PLCL2: variants seen among roughly 807,000 people sequenced by gnomAD.
PLCL2 encodes the protein phospholipase C like 2, also known as inactive phospholipase C-like protein 2.
PLCL2 carries 4 observed loss-of-function variants against 79.6 expected under a neutral mutation model. The observed-to-expected ratio is 0.05, with a 90% CI of 0.02 to 0.11. The LOEUF (loss-of-function observed/expected upper bound fraction) is 0.11, where lower values mean the gene tolerates loss of function less well. Ranked by LOEUF, PLCL2 falls within the 10% of genes least tolerant of loss-of-function variation. The probability of loss-of-function intolerance (pLI) is 1.00; values close to 1 mark genes in which losing one functional copy is unlikely to be tolerated. For missense variants in PLCL2, 895 were observed against 1,291.0 expected (o/e 0.69, Z 4.70); for synonymous variants, 484 against 457.7 (o/e 1.06, Z -0.73).
chr3:16,954,091 G>A (rs1416260229), intron 1 of PLCL2, among the ~76,000 whole-genome samples: 4 of 151,958 alleles, frequency 2.6e-5, no homozygotes, highest in African/African-American at 9.7e-5. Flanking sequence ...TTTGTTACAT[G>A]TGTATACATG....
intron 1 of PLCL2, among the ~76,000 whole-genome samples, chr3:16,989,191 A>T (rs1263010319): frequency 6.6e-6 from 1 of 152,182 alleles, no homozygotes; most frequent in Non-Finnish European, 1.5e-5. Context: ...TATTGGCCTC[A>T]TTTACATATA....
At chr3:16,990,011 C>A (rs1038654211) in intron 1 of PLCL2, among the ~76,000 whole-genome samples, 1 of 152,138 alleles carries the variant, frequency 6.6e-6, no homozygotes, top group Middle Eastern at 3.4e-3. Flanking sequence ...GTCAAGGAAG[C>A]GTATCTGAGA....
intron 1 of PLCL2, among the ~76,000 whole-genome samples, chr3:16,891,692 A>T (rs1696354236): frequency 6.6e-6 from 1 of 152,224 alleles, no homozygotes; most frequent in South Asian, 2.1e-4. Flanking sequence ...AAGATTATTA[A>T]TAGTGCCTCC....
chr3:16,970,333 T>C (rs1020839456), intron 1 of PLCL2, among the ~76,000 whole-genome samples: 2 of 151,808 alleles, frequency 1.3e-5, no homozygotes, highest in African/African-American at 4.8e-5. Flanking sequence ...GTTCTTGTAA[T>C]AGTTTACTGA....
chr3:17,084,652 A>G (rs944372557), intron 5 of PLCL2, among the ~76,000 whole-genome samples: 2 of 152,238 alleles, frequency 1.3e-5, no homozygotes, highest in Non-Finnish European at 2.9e-5. Flanking sequence ...GTCATTCATC[A>G]TATCAACAGG....
chr3:16,962,896 A>G (rs2063769061), intron 1 of PLCL2, among the ~76,000 whole-genome samples: 1 of 152,188 alleles, frequency 6.6e-6, no homozygotes, highest in Admixed American at 6.5e-5. Context: ...ATACACACAT[A>G]TGAATACATA....
intron 1 of PLCL2, among the ~76,000 whole-genome samples, chr3:16,926,128 C>T (rs901885851): frequency 6.6e-6 from 1 of 152,176 alleles, no homozygotes. Context: ...ATCAGCCTCA[C>T]CAGAGCTTCT....
intron 5 of PLCL2, among the ~76,000 whole-genome samples, chr3:17,077,432 C>T (rs2065119021): frequency 6.6e-6 from 1 of 152,152 alleles, no homozygotes; most frequent in Non-Finnish European, 1.5e-5. Context: ...AGTTTTAGTT[C>T]ATAGAATGAT....
Position 16,887,380 on chromosome 3 carries a change from C to T in PLCL2, c.327+2014C>T, listed in dbSNP as rs1696249892. Among the ~76,000 whole-genome samples, 1 of 152,158 alleles carries T rather than the reference C, an allele frequency of 6.6e-6. No homozygotes were observed. The highest frequency in any genetic ancestry group is 2.4e-5 in the African/African-American group (1 of 41,436). On this transcript the variant is annotated intron_variant, in intron 1 of 5. Transcript: ENST00000615277. The surrounding 1 kb of genome is among the most constrained non-coding windows in gnomAD (Gnocchi z 4.1). ...AGAAAGTACATGTTTTCTCTGAGTT[C>T]TGTTAATTTATAAAACAATTGGTTT...
chr3:16,974,304 G>C (rs972317423), intron 1 of PLCL2, among the ~76,000 whole-genome samples: 3 of 152,186 alleles, frequency 2.0e-5, no homozygotes, highest in African/African-American at 7.2e-5. Flanking sequence ...TAGAGGGCAG[G>C]ACTGGGTGAC....
chr3:16,999,757 A>G (rs1388078790), intron 1 of PLCL2, among the ~76,000 whole-genome samples: 2 of 152,184 alleles, frequency 1.3e-5, no homozygotes, highest in African/African-American at 4.8e-5. Flanking sequence ...CTATCAATAA[A>G]AGTTTTTTGT....
chr3:16,891,229 G>A (rs1327000871), intron 1 of PLCL2, among the ~76,000 whole-genome samples: 1 of 152,156 alleles, frequency 6.6e-6, no homozygotes, highest in Non-Finnish European at 1.5e-5. Context: ...ATGGCCTTGG[G>A]CAAGATACTG....
intron 1 of PLCL2, among the ~76,000 whole-genome samples, chr3:16,907,950 C>T (rs1696788150): frequency 6.6e-6 from 1 of 151,216 alleles, no homozygotes; most frequent in African/African-American, 2.4e-5. Context: ...TTTTTTATTC[C>T]AATGATATGT....
At chr3:17,061,390 A>G (rs941383899) in intron 4 of PLCL2, among the ~76,000 whole-genome samples, 14 of 152,206 alleles carry the variant, frequency 9.2e-5, no homozygotes, top group East Asian at 1.9e-4. Flanking sequence ...TCTCTTCACT[A>G]TATCCCAGTA....
intron 1 of PLCL2, among the ~76,000 whole-genome samples, chr3:16,899,287 C>T (rs945660896): frequency 2.0e-5 from 3 of 152,214 alleles, no homozygotes; most frequent in Non-Finnish European, 2.9e-5. Flanking sequence ...TCTACCTTCA[C>T]AAGAGGGCTG....
intron 3 of PLCL2, among the ~76,000 whole-genome samples, chr3:17,020,108 T>C (rs1426953304): frequency 2.0e-5 from 3 of 152,228 alleles, no homozygotes; most frequent in Non-Finnish European, 4.4e-5. Context: ...AATTCCATTC[T>C]CTAGCTATCT....
intron 4 of PLCL2, among the ~76,000 whole-genome samples, chr3:17,056,601 TC>T (rs1197472016): frequency 6.6e-6 from 1 of 152,172 alleles, no homozygotes; most frequent in Non-Finnish European, 1.5e-5. Context: ...TTAGTATAGG[TC>T]ACTGTATTCT....
chr3:17,084,032 CAGTA>C (rs948520741), intron 5 of PLCL2, among the ~76,000 whole-genome samples: 2 of 152,120 alleles, frequency 1.3e-5, no homozygotes, highest in African/African-American at 4.8e-5. Flanking sequence ...TTATTAAAAT[CAGTA>C]AGTCTTTAGT....
chr3:17,006,681 C>T (rs1200213670), intron 1 of PLCL2, among the ~76,000 whole-genome samples: 7 of 152,094 alleles, frequency 4.6e-5, no homozygotes, highest in African/African-American at 7.2e-5. Context: ...TATATCTGCC[C>T]GTGGTTGGGT....
Sources: allele counts gnomAD v4.1 joint callset (sites outside exome capture counted in the v4.1 genomes callset), GRCh38; gene constraint gnomAD v4.1.1; non-coding constraint Gnocchi (gnomAD v3.1); transcripts MANE v1.5; gene names NCBI Gene and HGNC (gene_info 2026-07-23, HGNC 2026-07-21).